DNAAF11: variants seen among roughly 807,000 people sequenced by gnomAD.
The protein encoded by DNAAF11 is dynein axonemal assembly factor 11, also known as leucine rich repeat containing 6.
Under a neutral mutation model 60.8 loss-of-function variants are expected in DNAAF11, and 45 were observed. The ratio of observed to expected loss-of-function variants is 0.74; its 90% CI spans 0.58 to 0.95. The LOEUF (loss-of-function observed/expected upper bound fraction) is 0.95. DNAAF11 is among the 40% of genes least tolerant of loss of function. DNAAF11 has a pLI of 0.00. For synonymous variants in DNAAF11, 191 were observed against 183.5 expected (o/e 1.04, Z -0.33); for missense variants, 546 against 546.2 (o/e 1.00, Z 0.00).
At chr8:132,603,864 C>T (rs989931471) in intron 10 of DNAAF11, among the ~76,000 whole-genome samples, 2 of 151,664 alleles carry the variant, frequency 1.3e-5, no homozygotes, top group African/African-American at 2.4e-5. Context: ...AAGGCGGGGG[C>T]GGAGTGGGAA....
chr8:132,684,988 C>T, the DNAAF11 span: 1 of 151,204 alleles, frequency 6.6e-6, no homozygotes, highest in Non-Finnish European at 1.5e-5. Flanking sequence ...AATGAAGACC[C>T]TATTAATCCG....
intron 10 of DNAAF11, among the ~76,000 whole-genome samples, chr8:132,603,843 G>A (rs1157591025): frequency 6.6e-6 from 1 of 152,078 alleles, no homozygotes; most frequent in East Asian, 1.9e-4. Context: ...ATAGAGAGCA[G>A]AGAACTGCCA....
At chr8:132,692,309 TA>T in the DNAAF11 span, among the ~76,000 whole-genome samples, 2 of 152,140 alleles carry the variant, frequency 1.3e-5, no homozygotes, top group Admixed American at 6.6e-5. Context: ...AATTTCCTTT[TA>T]AAAAACAATT....
At chr8:132,621,417 CAT>C (rs1419826042) in intron 7 of DNAAF11, among the ~76,000 whole-genome samples, 2 of 152,130 alleles carry the variant, frequency 1.3e-5, no homozygotes, top group Non-Finnish European at 2.9e-5. Context: ...GGGATGATCA[CAT>C]GTCGGGAGGC....
At chr8:132,659,144 A>G (rs980846687) in intron 2 of DNAAF11, among the ~76,000 whole-genome samples, 3 of 152,190 alleles carry the variant, frequency 2.0e-5, no homozygotes, top group African/African-American at 7.2e-5. Flanking sequence ...GCACTTGACA[A>G]GACCCCACAT....
At chr8:132,682,350 C>T in the DNAAF11 span, among the ~76,000 whole-genome samples, 1 of 152,210 alleles carries the variant, frequency 6.6e-6, no homozygotes. Flanking sequence ...TTCAGCCCTT[C>T]CTGCCAAGGC....
the DNAAF11 span, among the ~76,000 whole-genome samples, chr8:132,700,863 C>T: frequency 6.6e-6 from 1 of 152,058 alleles, no homozygotes; most frequent in East Asian, 1.9e-4. Flanking sequence ...GAATAGAAAA[C>T]GAAGTGATAG....
Position 132,603,950 on chromosome 8 carries a change from T to C in DNAAF11, c.1140+6216A>G, listed in dbSNP as rs867628420. Among the ~76,000 whole-genome samples, 8 of 152,214 alleles carry C rather than the reference T, an allele frequency of 5.3e-5. No individual in the cohort carries two copies. The South Asian group carries it at 8.3e-4, about 16-fold the overall frequency. On this transcript the variant is annotated intron_variant, in intron 10 of 11. Transcript: ENST00000620350. ...GCATACACCACAGACAGTTCATTCA[T>C]AGAATTAGGAAGGAAGGAAGGCCAG...
chr8:132,641,696 T>G (rs1314079272), intron 3 of DNAAF11, among the ~76,000 whole-genome samples: 1 of 152,022 alleles, frequency 6.6e-6, no homozygotes, highest in Non-Finnish European at 1.5e-5. Flanking sequence ...AGGGAAAAAA[T>G]GGAATTGACA....
Position 132,661,525 on chromosome 8 carries a change from T to C in DNAAF11, c.113A>G (p.His38Arg). Reference protein sequence around the residue: ...LHQQEIERLEHIDKWCRDLKI... With the variant: ...LHQQEIERLERIDKWCRDLKI... ...TAAATCCCGGCACCATTTATCAATG[T>C]GTTCTAGTCTTTCTATTTCTTGCTG... Residue 38 changes from histidine to arginine, a missense_variant, in exon 2 of 12, where the codon CAC (histidine) becomes CGC (arginine). By Grantham distance (29) the His-to-Arg change is conservative. Transcript: ENST00000620350. 2 of 1,613,398 alleles carry C rather than the reference T, an allele frequency of 1.2e-6. No homozygotes were observed. Among genetic ancestry groups the C allele is most frequent in the Non-Finnish European group, 8.5e-7 (1 of 1,179,582 alleles).
rs1362847691 is a variant in DNAAF11 at position 132,618,399 on chromosome 8, T to C, written c.915-3302A>G. ...GACATAGGCATGGGCAAGGACTTCA[T>C]GTCTAAAACACCAAAAGCAATGGCA... On this transcript the variant is annotated intron_variant, in intron 7 of 11. Transcript: ENST00000620350. Among the ~76,000 whole-genome samples, 9 of 106,560 alleles carry C rather than the reference T, an allele frequency of 8.4e-5. 1 individual carries two copies. The highest frequency in any genetic ancestry group is 1.5e-4 in the Non-Finnish European group (8 of 53,138). 69.9% of individuals were successfully genotyped at this position (106,560 alleles called of 152,430 possible).
Position 132,611,505 on chromosome 8 carries a change from G to A in DNAAF11, c.975-142C>T, listed in dbSNP as rs1818667716. 4 of 514,480 alleles carry A rather than the reference G, an allele frequency of 7.8e-6. No homozygotes were observed. The South Asian group carries it at 1.2e-4, about 16-fold the overall frequency. 31.9% of individuals were successfully genotyped at this position (514,480 alleles called of 1,614,324 possible). A position where few individuals can be genotyped will look rare whatever the true frequency, so the allele number is the denominator to read the frequency against. On this transcript the variant is annotated intron_variant, in intron 8 of 11. Transcript: ENST00000620350. ...TGCAAAATGGGTCTTTAAAAAATTA[G>A]TTTTAAATTAATTCCCAGACCAAAG...
chr8:132,622,694 G>A lies in DNAAF11; in HGVS notation c.837-6C>T. 6.2e-7 allele frequency: 1 copy of A among 1,603,506 alleles called. No individual in the cohort carries two copies. The highest frequency in any genetic ancestry group is 2.2e-5 in the East Asian group (1 of 44,798). On this transcript the variant is annotated splice_polypyrimidine_tract_variant and splice_region_variant and intron_variant, in intron 6 of 11. Coordinates refer to ENST00000620350, the MANE Select transcript of DNAAF11 (RefSeq NM_012472.6). The stretch of plus-strand genomic sequence containing the variant: ...TCACTTTCTTCTTTTTTTCACTTAA[G>A]ATTGGTGGTGGATGAGAACAATGGG...
At chr8:132,695,202 A>G in the DNAAF11 span, among the ~76,000 whole-genome samples, 2 of 152,204 alleles carry the variant, frequency 1.3e-5, no homozygotes, top group African/African-American at 2.4e-5. Flanking sequence ...ACAGAACTCA[A>G]ATCTACCAAG....
At chr8:132,617,992 A>G (rs1819351187) in intron 7 of DNAAF11, among the ~76,000 whole-genome samples, 1 of 149,866 alleles carries the variant, frequency 6.7e-6, no homozygotes, top group Admixed American at 6.6e-5. Context: ...TCGCCAAGTC[A>G]ATCCTAAGCC....
the DNAAF11 span, among the ~76,000 whole-genome samples, chr8:132,697,854 G>A: frequency 1.1e-4 from 16 of 152,264 alleles, no homozygotes; most frequent in South Asian, 3.1e-3. Flanking sequence ...GGTTTTAGGG[G>A]AGAAGAGGGG....
At chr8:132,655,668 C>T (rs1306881736) in intron 3 of DNAAF11, among the ~76,000 whole-genome samples, 1 of 152,082 alleles carries the variant, frequency 6.6e-6, no homozygotes, top group African/African-American at 2.4e-5. Context: ...TTTGAATAAA[C>T]ATTTTTCCAA....
chr8:132,645,942 A>G (rs1296541254), intron 3 of DNAAF11, among the ~76,000 whole-genome samples: 1 of 152,220 alleles, frequency 6.6e-6, no homozygotes, highest in East Asian at 1.9e-4. Flanking sequence ...AACTTCCCCA[A>G]CCTAGCAAGG....
intron 11 of DNAAF11, among the ~76,000 whole-genome samples, chr8:132,580,413 T>C (rs956812542): frequency 3.3e-5 from 5 of 152,200 alleles, no homozygotes; most frequent in African/African-American, 1.2e-4. Context: ...GAGAGATTAG[T>C]AAAGTTGCTG....
Sources: allele counts gnomAD v4.1 joint callset (sites outside exome capture counted in the v4.1 genomes callset), GRCh38; gene constraint gnomAD v4.1.1; transcripts MANE v1.5; gene names NCBI Gene and HGNC (gene_info 2026-07-23, HGNC 2026-07-21).